ART4: variants seen among roughly 807,000 people sequenced by gnomAD.
The protein encoded by ART4 is ecto-ADP-ribosyltransferase 4.
A neutral mutation model predicts 24.2 loss-of-function variants in ART4; 14 were observed. The ratio of observed to expected loss-of-function variants is 0.58; its 90% CI spans 0.38 to 0.90. The LOEUF is 0.90. Among genes scored for constraint, ART4 ranks in the 40% least tolerant of loss-of-function variants. ART4 has a pLI of 0.00. For synonymous variants in ART4, 145 were observed against 139.9 expected (o/e 1.04, Z -0.26); for missense variants, 356 against 366.6 (o/e 0.97, Z 0.24).
chr12:14,840,693 A>G lies in ART4; in HGVS notation c.605T>C (p.Ile202Thr). The G allele has an allele frequency of 1.2e-6, 2 of 1,614,118 alleles. No homozygotes were observed. The highest frequency in any genetic ancestry group is 1.1e-5 in the South Asian group (1 of 91,078). ...VHFNAYTGATIRFGQFLSTSL... is the reference protein window; with the variant it reads ...VHFNAYTGATTRFGQFLSTSL... The stretch of plus-strand genomic sequence containing the variant: ...TGTGGAGAGGAATTGGCCAAATCGA[A>G]TGGTGGCCCCTGTGTAGGCATTAAA... The change falls in exon 2 of 3, where the codon ATT becomes ACT. Residue 202 changes from isoleucine (I) to threonine (T), a missense_variant. Transcript: ENST00000228936.
intron 2 of ART4, 58 bp downstream of exon 2, chr12:14,840,386 CT>C: frequency 7.0e-7 from 1 of 1,430,804 alleles, no homozygotes; most frequent in Non-Finnish European, 9.4e-7. Flanking sequence ...GAAAAAATAA[CT>C]TTTATAAAAG....
chr12:14,834,783 G>A (rs1950418706), intron 2 of ART4, among the ~76,000 whole-genome samples: 1 of 152,212 alleles, frequency 6.6e-6, no homozygotes, highest in Admixed American at 6.5e-5. Flanking sequence ...ACCAGTACAG[G>A]TCATGTGAGG....
In ART4 at chr12:14,826,701, C is replaced by T. The variant is rs1950362090; in HGVS notation, c.*2670G>A. ...CCTCACTCTCTGCCAGACCTATCTG[C>T]TCCCTGACCTTATGCTGTACATACA... On this transcript the variant is annotated 3_prime_UTR_variant, in exon 3 of 3. Coordinates refer to ENST00000228936, the MANE Select transcript of ART4 (RefSeq NM_021071.4). 6.6e-6 allele frequency: 1 copy of T among 152,264 alleles called. No individual in the cohort carries two copies. Among genetic ancestry groups the T allele is most frequent in the South Asian group, 2.1e-4 (1 of 4,838 alleles). The allele number at this position is 152,264 out of a possible 1,614,324, so 9.4% of individuals were successfully genotyped here. A position where few individuals can be genotyped will look rare whatever the true frequency, so the allele number is the denominator to read the frequency against.
At position 14,826,050 on chromosome 12, in the gene ART4, G is replaced by C. The variant is rs1050729626; in HGVS notation, c.*3321C>G. 6.6e-6 allele frequency: 1 copy of C among 152,172 alleles called. No individual in the cohort carries two copies. Among genetic ancestry groups the C allele is most frequent in the Non-Finnish European group, 1.5e-5 (1 of 68,022 alleles). 9.4% of individuals were successfully genotyped at this position (152,172 alleles called of 1,614,324 possible). A position where few individuals can be genotyped will look rare whatever the true frequency, so the allele number is the denominator to read the frequency against. ...GTTGCATGAATTTACACATATTTGAGCATCCGCCTTATCTTTGGAAGATAT... is the reference window on the plus strand; with the variant it reads ...GTTGCATGAATTTACACATATTTGACCATCCGCCTTATCTTTGGAAGATAT... On this transcript the variant is annotated 3_prime_UTR_variant, in exon 3 of 3. Transcript: ENST00000228936.
At chr12:14,840,419 G>A (rs536671232) in intron 2 of ART4, 26 bp downstream of exon 2, 2 of 1,551,570 alleles carry the variant, frequency 1.3e-6, no homozygotes, top group African/African-American at 1.4e-5. Flanking sequence ...GTGATCCTGA[G>A]TGGCCTCAAT....
chr12:14,829,540 CT>C, intron 2 of ART4, 78 bp from the exon 3 acceptor site: 2 of 939,244 alleles, frequency 2.1e-6, no homozygotes, highest in Non-Finnish European at 3.2e-6. Context: ...CATTGATCCA[CT>C]TACTTAACTT....
At position 14,840,959 on chromosome 12, in the gene ART4, C is replaced by G. The variant is rs756117992; in HGVS notation, c.339G>C (p.Gln113His). The part of the protein sequence containing the change: ...AWLNQGKVLP[Q>H]NMTTTHAVAI... ...CCACAGCGTGTGTGGTAGTCATGTTCTGGGGTAGAACTTTTCCTTGGTTAA... is the reference window on the plus strand; with the variant it reads ...CCACAGCGTGTGTGGTAGTCATGTTGTGGGGTAGAACTTTTCCTTGGTTAA... Residue 113 changes from glutamine (Q) to histidine (H), a missense_variant, in exon 2 of 3, where the codon CAG becomes CAC. Transcript: ENST00000228936. 6.2e-7 allele frequency: 1 copy of G among 1,614,172 alleles called. No homozygotes were observed. Among genetic ancestry groups the G allele is most frequent in the Admixed American group, 1.7e-5 (1 of 60,020 alleles).
In ART4 at chr12:14,834,349, C is replaced by A. The variant is rs552131465; in HGVS notation, c.854-4887G>T. Among the ~76,000 whole-genome samples, 8 of 152,062 alleles carry A rather than the reference C, an allele frequency of 5.3e-5. No homozygotes were observed. In the South Asian group the frequency reaches 1.7e-3, roughly 32 times the overall value. ...GAAGCCCAGAGTAAAAGAAAACAGG[C>A]AAAATAGAAAGCTAATAAAATAAAT... On this transcript the variant is annotated intron_variant, in intron 2 of 2. Transcript: ENST00000228936.
At position 14,830,949 on chromosome 12, in the gene ART4, G is replaced by GT. The variant is rs75841948; in HGVS notation, c.854-1488dup. Among the ~76,000 whole-genome samples the GT allele has an allele frequency of 0.024, 3,535 of 148,708 alleles. 257 individuals carry two copies. The East Asian group carries it at 0.25, about 10-fold the overall frequency. ...TTAGAATGGTTCTCAAACGATTTTT[G>GT]TTTTTTTTTCCTCTTCACTGAGGCT... On this transcript the variant is annotated intron_variant, in intron 2 of 2. Transcript: ENST00000228936.
Position 14,825,882 on chromosome 12 carries a change from C to T in ART4, c.*3489G>A, listed in dbSNP as rs1950357334. 6.6e-6 allele frequency: 1 copy of T among 152,086 alleles called. No homozygotes were observed. The highest frequency in any genetic ancestry group is 1.5e-5 in the Non-Finnish European group (1 of 68,006). The allele number at this position is 152,086 out of a possible 1,614,324, so 9.4% of individuals were successfully genotyped here. A position where few individuals can be genotyped will look rare whatever the true frequency, so the allele number is the denominator to read the frequency against. ...GTATTACATGGGTTGAGTGTTTTTA[C>T]TTTTTAAATTTTTCCTGTTTCAATC... On this transcript the variant is annotated 3_prime_UTR_variant, in exon 3 of 3. Coordinates refer to ENST00000228936, the MANE Select transcript of ART4 (RefSeq NM_021071.4).
At chr12:14,831,566 C>T (rs1419620365) in intron 2 of ART4, among the ~76,000 whole-genome samples, 1 of 152,034 alleles carries the variant, frequency 6.6e-6, no homozygotes, top group African/African-American at 2.4e-5. Flanking sequence ...CACCTGGCCT[C>T]TCCATCTTCT....
In ART4 at chr12:14,841,034, T is replaced by A; in HGVS notation, c.264A>T (p.Glu88Asp). 6.2e-7 allele frequency: 1 copy of A among 1,614,252 alleles called. No homozygotes were observed. Among genetic ancestry groups the A allele is most frequent in the Non-Finnish European group, 8.5e-7 (1 of 1,180,036 alleles). ...TQGDYFTKDI[E>D]AQKNYFRMWQ... Reference sequence around the variant, plus strand: ...ACATCCTAAAATAATTCTTCTGGGCTTCTATGTCTTTTGTGAAATAATCCC... The same window carrying A: ...ACATCCTAAAATAATTCTTCTGGGCATCTATGTCTTTTGTGAAATAATCCC... The change falls in exon 2 of 3, where the codon GAA becomes GAT. Residue 88 changes from glutamate to aspartate, a missense_variant. By Grantham distance (45) the Glu-to-Asp change is conservative. Coordinates refer to ENST00000228936, the MANE Select transcript of ART4 (RefSeq NM_021071.4).
rs761504024 is a variant in ART4 at position 14,841,051 on chromosome 12, A to C, written c.247T>G (p.Phe83Val). 26 of 1,614,096 alleles carry C rather than the reference A, an allele frequency of 1.6e-5. No individual in the cohort carries two copies. In the East Asian group the frequency reaches 5.6e-4, roughly 35 times the overall value. Reference sequence around the variant, plus strand: ...TTCTGGGCTTCTATGTCTTTTGTGAAATAATCCCCTTGAGTTAGTTTCTCC... The same window carrying C: ...TTCTGGGCTTCTATGTCTTTTGTGACATAATCCCCTTGAGTTAGTTTCTCC... ...VMEKLTQGDY[F>V]TKDIEAQKNY... Residue 83 changes from phenylalanine (F) to valine (V), a missense_variant, in exon 2 of 3, where the codon TTC (phenylalanine) becomes GTC (valine). Coordinates refer to ENST00000228936, the MANE Select transcript of ART4 (RefSeq NM_021071.4).
At position 14,826,532 on chromosome 12, in the gene ART4, A is replaced by G. The variant is rs1410620336; in HGVS notation, c.*2839T>C. 6.6e-6 allele frequency: 1 copy of G among 152,178 alleles called. No individual in the cohort carries two copies. Among genetic ancestry groups the G allele is most frequent in the Non-Finnish European group, 1.5e-5 (1 of 68,040 alleles). The allele number at this position is 152,178 out of a possible 1,614,324, so 9.4% of individuals were successfully genotyped here. A position where few individuals can be genotyped will look rare whatever the true frequency, so the allele number is the denominator to read the frequency against. Reference sequence around the variant, plus strand: ...TTCTAATGAGTTCTTAAAGGATGCTATTGCTGCTTGTGCCTAGAGAGTCAA... The same window carrying G: ...TTCTAATGAGTTCTTAAAGGATGCTGTTGCTGCTTGTGCCTAGAGAGTCAA... On this transcript the variant is annotated 3_prime_UTR_variant, in exon 3 of 3. Transcript: ENST00000228936.
In ART4 at chr12:14,828,547, C is replaced by T. The variant is rs1950373486; in HGVS notation, c.*824G>A. ...TTAATCTCTGGGGTTCAAAGCTTTT[C>T]TGTTTGGTGAAGAATTTGTCCTTTG... On this transcript the variant is annotated 3_prime_UTR_variant, in exon 3 of 3. Transcript: ENST00000228936. The T allele has an allele frequency of 6.6e-6, 1 of 152,092 alleles. No individual in the cohort carries two copies. Among genetic ancestry groups the T allele is most frequent in the African/African-American group, 2.4e-5 (1 of 41,490 alleles). The allele number at this position is 152,092 out of a possible 1,614,324, so 9.4% of individuals were successfully genotyped here.
At position 14,841,063 on chromosome 12, in the gene ART4, G is replaced by T. The variant is rs1398937912; in HGVS notation, c.235C>A (p.Gln79Lys). The T allele has an allele frequency of 4.3e-6, 7 of 1,614,008 alleles. No individual in the cohort carries two copies. Among genetic ancestry groups the T allele is most frequent in the Non-Finnish European group, 4.2e-6 (5 of 1,180,040 alleles). Residue 79 changes from glutamine to lysine, a missense_variant, in exon 2 of 3, where the codon CAA becomes AAA. By Grantham distance (53) the Gln-to-Lys change is moderately conservative (BLOSUM62 1). Coordinates refer to ENST00000228936, the MANE Select transcript of ART4 (RefSeq NM_021071.4). ...ATGTCTTTTGTGAAATAATCCCCTTGAGTTAGTTTCTCCATAACCTGTTTG... is the reference window on the plus strand; with the variant it reads ...ATGTCTTTTGTGAAATAATCCCCTTTAGTTAGTTTCTCCATAACCTGTTTG... ...CSKQVMEKLT[Q>K]GDYFTKDIEA...
At chr12:14,834,275 T>C (rs1950414577) in intron 2 of ART4, among the ~76,000 whole-genome samples, 1 of 152,190 alleles carries the variant, frequency 6.6e-6, no homozygotes, top group Non-Finnish European at 1.5e-5. Flanking sequence ...ACACTCTACT[T>C]CAAGGTCATT....
At chr12:14,830,856 T>A (rs1281842448) in intron 2 of ART4, among the ~76,000 whole-genome samples, 1 of 151,430 alleles carries the variant, frequency 6.6e-6, no homozygotes, top group Non-Finnish European at 1.5e-5. Context: ...AAGTTTGTGT[T>A]AAAATCAAAT....
In ART4 at chr12:14,827,590, G is replaced by C. The variant is rs1009691055; in HGVS notation, c.*1781C>G. 3 of 151,892 alleles carry C rather than the reference G, an allele frequency of 2.0e-5. No individual in the cohort carries two copies. The highest frequency in any genetic ancestry group is 2.0e-4 in the Admixed American group (3 of 15,232). 9.4% of individuals were successfully genotyped at this position (151,892 alleles called of 1,614,324 possible). A position where few individuals can be genotyped will look rare whatever the true frequency, so the allele number is the denominator to read the frequency against. On this transcript the variant is annotated 3_prime_UTR_variant, in exon 3 of 3. Transcript: ENST00000228936. The stretch of plus-strand genomic sequence containing the variant: ...GGCTAATTTTTGTATTTGTAGTAGA[G>C]ACGGGGTTTCACCATGCTGGCCAGG...
Sources: allele counts gnomAD v4.1 joint callset (sites outside exome capture counted in the v4.1 genomes callset), GRCh38; gene constraint gnomAD v4.1.1; transcripts MANE v1.5; gene names NCBI Gene and HGNC (gene_info 2026-07-23, HGNC 2026-07-21).